RALGAPA1: variants seen among roughly 807,000 people sequenced by gnomAD.
RALGAPA1 encodes the protein ral GTPase-activating protein subunit alpha-1.
In RALGAPA1, 52 loss-of-function variants were observed where a neutral mutation model predicts 269.6. That is an observed-to-expected ratio of 0.19 (90% CI 0.15 to 0.24). RALGAPA1 has a LOEUF of 0.24. Ranked by LOEUF, RALGAPA1 falls within the 10% of genes least tolerant of loss-of-function variation. RALGAPA1 has a pLI of 1.00. For missense variants in RALGAPA1, 1,917 were observed against 3,013.9 expected (o/e 0.64, Z 8.52); for synonymous variants, 817 against 1,008.3 (o/e 0.81, Z 3.60).
At chr14:35,752,293 T>G in intron 7 of RALGAPA1, 131 bp from the exon 8 acceptor site, 1 of 1,030,890 alleles carries the variant, frequency 9.7e-7, no homozygotes, top group Non-Finnish European at 1.3e-6. Context: ...TCATGATACA[T>G]AGCATAAGGA....
At position 35,688,686 on chromosome 14, in the gene RALGAPA1, T is replaced by A. The variant is rs530981632; in HGVS notation, c.3725A>T (p.Glu1242Val). 2.6e-5 allele frequency: 39 copies of A among 1,486,358 alleles called. No individual in the cohort carries two copies. In the South Asian group the frequency reaches 5.0e-4, roughly 19 times the overall value. The allele number at this position is 1,486,358 out of a possible 1,614,324, so 92.1% of individuals were successfully genotyped here. ...ACCTAATTGACTACTTGCAATTCCT[T>A]CTTTTTGTAATATGGTGGTGGGAAT... is the stretch of plus-strand genomic sequence containing the variant. ...TEIPTTILQKEGIASSQLGSR... is the reference protein window; with the variant it reads ...TEIPTTILQKVGIASSQLGSR... Residue 1242 changes from glutamate to valine, a missense_variant, in exon 18 of 42, where the codon GAA (glutamate) becomes GTA (valine). Physicochemically the swap from Glu to Val is moderately radical, Grantham distance 121. Transcript: ENST00000680220.
At chr14:35,714,540 C>CT (rs929732713) in intron 16 of RALGAPA1, among the ~76,000 whole-genome samples, 8 of 152,184 alleles carry the variant, frequency 5.3e-5, no homozygotes, top group Non-Finnish European at 7.4e-5. Context: ...CTACCTCACC[C>CT]TGAACAAGAT....
chr14:35,789,346 C>T (rs1269865857), intron 1 of RALGAPA1, among the ~76,000 whole-genome samples: 1 of 151,976 alleles, frequency 6.6e-6, no homozygotes. Flanking sequence ...ATAATCCCAG[C>T]ACTTTGGGAG....
At chr14:35,563,738 T>C (rs1236994874) in intron 39 of RALGAPA1, among the ~76,000 whole-genome samples, 1 of 152,178 alleles carries the variant, frequency 6.6e-6, no homozygotes, top group Non-Finnish European at 1.5e-5. Flanking sequence ...TTATAAGGAA[T>C]ATAACTTATC....
chr14:35,660,221 T>C (rs931165491), intron 27 of RALGAPA1, among the ~76,000 whole-genome samples: 3 of 152,028 alleles, frequency 2.0e-5, no homozygotes, highest in African/African-American at 7.2e-5. Flanking sequence ...CTTTTACAAC[T>C]GTCTCTGTCT....
At chr14:35,578,556 G>A (rs1285297090) in intron 37 of RALGAPA1, among the ~76,000 whole-genome samples, 1 of 152,182 alleles carries the variant, frequency 6.6e-6, no homozygotes, top group East Asian at 1.9e-4. Context: ...TTCATTTTTA[G>A]CAATCAGGAA....
intron 6 of RALGAPA1, among the ~76,000 whole-genome samples, chr14:35,758,836 A>G (rs894340328): frequency 6.6e-6 from 1 of 152,236 alleles, no homozygotes; most frequent in Non-Finnish European, 1.5e-5. Flanking sequence ...TAAGTAGACC[A>G]GACATAGTGG....
chr14:35,772,520 T>G (rs1169019202), intron 3 of RALGAPA1, among the ~76,000 whole-genome samples: 2 of 152,222 alleles, frequency 1.3e-5, no homozygotes, highest in Non-Finnish European at 2.9e-5. Context: ...GCTACCTTAC[T>G]GCTAAACAGT....
intron 11 of RALGAPA1, among the ~76,000 whole-genome samples, chr14:35,740,733 G>T (rs1436823825): frequency 6.6e-6 from 1 of 152,158 alleles, no homozygotes; most frequent in Admixed American, 6.6e-5. Flanking sequence ...GCTTGAACCC[G>T]GGAGGTGGAG....
chr14:35,568,303 A>G (rs1261276662), intron 39 of RALGAPA1, among the ~76,000 whole-genome samples: 1 of 152,168 alleles, frequency 6.6e-6, no homozygotes, highest in Non-Finnish European at 1.5e-5. Flanking sequence ...GAAATGTTCA[A>G]TTAATTGGTA....
chr14:35,737,281 G>A (rs2071090197), intron 12 of RALGAPA1, among the ~76,000 whole-genome samples: 1 of 152,008 alleles, frequency 6.6e-6, no homozygotes, highest in African/African-American at 2.4e-5. Context: ...GTAATAGGGA[G>A]AACATAAGGA....
chr14:35,670,935 AAGAGAG>A (rs200500058), intron 26 of RALGAPA1, among the ~76,000 whole-genome samples: 4 of 151,278 alleles, frequency 2.6e-5, no homozygotes, highest in African/African-American at 4.8e-5. Context: ...AAAAAAAAAA[AAGAGAG>A]AGAGAGAGTT....
intron 26 of RALGAPA1, among the ~76,000 whole-genome samples, chr14:35,667,723 T>C (rs1293810505): frequency 2.0e-5 from 3 of 152,204 alleles, no homozygotes; most frequent in Non-Finnish European, 2.9e-5. Context: ...TAAATTAGTA[T>C]AGCTGCTATG....
At chr14:35,655,630 AC>A (rs559481779) in intron 29 of RALGAPA1, among the ~76,000 whole-genome samples, 176 bp downstream of exon 29, 223 of 152,216 alleles carry the variant, frequency 1.5e-3, no homozygotes, top group Non-Finnish European at 2.2e-3. Context: ...CCATAAAGAT[AC>A]CCTAAATTCA....
intron 22 of RALGAPA1, among the ~76,000 whole-genome samples, chr14:35,675,705 TA>T (rs1156544215): frequency 2.6e-5 from 4 of 151,238 alleles, no homozygotes; most frequent in African/African-American, 4.9e-5. Flanking sequence ...CCTCCAGCTT[TA>T]AAAAAAAATC....
intron 12 of RALGAPA1, among the ~76,000 whole-genome samples, 191 bp from the exon 13 acceptor site, chr14:35,728,701 A>G (rs920521876): frequency 6.6e-6 from 1 of 152,118 alleles, no homozygotes; most frequent in African/African-American, 2.4e-5. Context: ...GTACCCAAAG[A>G]AAATAAACCA....
In RALGAPA1 at chr14:35,564,938, C is replaced by A. The variant is rs541146776; in HGVS notation, c.7496+5679G>T. ...ACTCTTATAGCATTTTATCTATAACCCTACCAGGACATTTTCATTTAGTCT... is the reference window on the plus strand; with the variant it reads ...ACTCTTATAGCATTTTATCTATAACACTACCAGGACATTTTCATTTAGTCT... On this transcript the variant is annotated intron_variant, in intron 39 of 41. Transcript: ENST00000680220. Among the ~76,000 whole-genome samples, 325 of 152,138 alleles carry A rather than the reference C, an allele frequency of 2.1e-3. 4 individuals carry two copies. Among genetic ancestry groups the A allele is most frequent in the African/African-American group, 7.5e-3 (312 of 41,526 alleles).
intron 16 of RALGAPA1, among the ~76,000 whole-genome samples, chr14:35,716,645 T>A (rs558627586): frequency 1.3e-5 from 2 of 152,094 alleles, no homozygotes; most frequent in Non-Finnish European, 2.9e-5. Flanking sequence ...AATTTTTATG[T>A]TTTTCAAACC....
chr14:35,569,618 A>C (rs2057002780), intron 39 of RALGAPA1, among the ~76,000 whole-genome samples: 1 of 152,062 alleles, frequency 6.6e-6, no homozygotes, highest in South Asian at 2.1e-4. Context: ...AACATTCCCC[A>C]TCTTCTCATA....
Sources: gnomAD v4.1 joint callset for allele counts (sites outside exome capture counted in the v4.1 genomes callset) on GRCh38, gnomAD v4.1.1 for gene constraint, MANE v1.5 for transcripts, NCBI Gene and HGNC (gene_info 2026-07-23, HGNC 2026-07-21) for gene names.